The following KCNB2 variants were observed in gnomAD, a reference collection of about 807,000 sequenced individuals.
KCNB2 encodes potassium voltage-gated channel subfamily B member 2, also known as delayed rectifier potassium channel protein.
In KCNB2, 15 loss-of-function variants were observed where a neutral mutation model predicts 61.5. That is an observed-to-expected ratio of 0.24 (90% CI 0.16 to 0.38). KCNB2 has a LOEUF of 0.38. KCNB2 is among the 10% of genes least tolerant of loss of function. The pLI is 1.00. For synonymous variants in KCNB2, 457 were observed against 446.0 expected, an observed-to-expected ratio of 1.02 and a Z score of -0.31; for missense variants, 828 against 1,125.2, an observed-to-expected ratio of 0.74 and a Z score of 3.78.
intron 2 of KCNB2, among the ~76,000 whole-genome samples, chr8:72,780,661 T>A (rs558573835): frequency 6.6e-5 from 10 of 152,336 alleles, no homozygotes; most frequent in African/African-American, 2.4e-4. Context: ...TTTGCTATTG[T>A]GATTGATGCT....
chr8:72,771,013 A>T (rs947593911), intron 2 of KCNB2, among the ~76,000 whole-genome samples: 1 of 152,338 alleles, frequency 6.6e-6, no homozygotes, highest in South Asian at 2.1e-4. Context: ...GTGTATGATT[A>T]TTTATGTATT....
chr8:72,788,382 G>A (rs558674946), intron 2 of KCNB2, among the ~76,000 whole-genome samples: 9 of 152,094 alleles, frequency 5.9e-5, no homozygotes, highest in East Asian at 1.9e-4. Context: ...TTCTTTGTGC[G>A]CACATAAAGA....
At chr8:72,804,466 G>C (rs570331901) in intron 2 of KCNB2, among the ~76,000 whole-genome samples, 2 of 152,010 alleles carry the variant, frequency 1.3e-5, no homozygotes, top group African/African-American at 2.4e-5. Context: ...CCTAGGAACA[G>C]AAAAAAGAAT....
intron 2 of KCNB2, among the ~76,000 whole-genome samples, chr8:72,867,893 A>C (rs1483343701): frequency 6.6e-6 from 1 of 152,058 alleles, no homozygotes; most frequent in Non-Finnish European, 1.5e-5. Flanking sequence ...TTCCAACATT[A>C]TTTGGCTGTT....
At chr8:72,805,514 TG>T (rs1227409779) in intron 2 of KCNB2, among the ~76,000 whole-genome samples, 2 of 152,196 alleles carry the variant, frequency 1.3e-5, no homozygotes, top group Admixed American at 1.3e-4. Context: ...TAAGTCTGTC[TG>T]CATACAGCTA....
Position 72,936,222 on chromosome 8 carries a change from C to T in KCNB2, c.867C>T (p.Ser289=), listed in dbSNP as rs764537038. The change falls in exon 3 of 3, where the codon AGC becomes AGT. Residue 289 remains serine, a synonymous_variant. Transcript: ENST00000523207. This position sits in a 1 kb window ranked among gnomAD's most constrained non-coding sequence, Gnocchi z 5.6. ...TTTTTCTGACGGAGTCCAACAAGAG[C>T]GTGCTGCAGTTCCAAAACGTGAGGC... is the stretch of plus-strand genomic sequence containing the variant. ...VTIFLTESNK[S]VLQFQNVRRV... 20 of 1,614,228 alleles carry T rather than the reference C, an allele frequency of 1.2e-5. No homozygotes were observed. The highest frequency in any genetic ancestry group is 1.1e-4 in the South Asian group (10 of 91,086).
intron 2 of KCNB2, among the ~76,000 whole-genome samples, chr8:72,626,339 C>G (rs1295936276): frequency 6.6e-6 from 1 of 152,168 alleles, no homozygotes; most frequent in Non-Finnish European, 1.5e-5. Context: ...TTTGGGAAAC[C>G]ACAAATCTAA....
intron 2 of KCNB2, among the ~76,000 whole-genome samples, chr8:72,618,033 TC>T (rs1441788207): frequency 6.6e-6 from 1 of 152,150 alleles, no homozygotes; most frequent in Admixed American, 6.5e-5. Context: ...CTGCACAGCC[TC>T]CCACTCACCT....
intron 2 of KCNB2, among the ~76,000 whole-genome samples, chr8:72,647,894 G>C (rs1806155227): frequency 6.6e-6 from 1 of 152,152 alleles, no homozygotes; most frequent in Non-Finnish European, 1.5e-5. Flanking sequence ...ACTTGAGAAA[G>C]GCACTCTGAA....
rs372437783 is a variant in KCNB2 at position 72,685,723 on chromosome 8, C to G, written c.579+117410C>G. On this transcript the variant is annotated intron_variant, in intron 2 of 2. Coordinates refer to ENST00000523207, the MANE Select transcript of KCNB2 (RefSeq NM_004770.3). The stretch of plus-strand genomic sequence containing the variant: ...AGAAGGTCCAGGCCGGGTGCAGTGG[C>G]TCACGCCTGTAATCCCAGCACTTTG... 3.9e-5 allele frequency among the ~76,000 whole-genome samples: 6 copies of G among 152,316 alleles called. No individual in the cohort carries two copies. The East Asian group carries it at 9.6e-4, about 24-fold the overall frequency.
At chr8:72,744,103 G>A (rs534883709) in intron 2 of KCNB2, among the ~76,000 whole-genome samples, 245 of 152,154 alleles carry the variant, frequency 1.6e-3, no homozygotes, top group Non-Finnish European at 2.9e-3. Flanking sequence ...TTGTTGAGAC[G>A]GTTGAAAGTG....
At chr8:72,797,832 G>A (rs1249545988) in intron 2 of KCNB2, among the ~76,000 whole-genome samples, 1 of 152,220 alleles carries the variant, frequency 6.6e-6, no homozygotes, top group Non-Finnish European at 1.5e-5. Context: ...TTTTTGGAGG[G>A]TGGGAAGGGT....
chr8:72,550,829 C>G (rs1310636466), intron 1 of KCNB2, among the ~76,000 whole-genome samples: 2 of 152,170 alleles, frequency 1.3e-5, no homozygotes, highest in Non-Finnish European at 2.9e-5. Context: ...AGACTTTCTT[C>G]CTAGGGAATG....
intron 2 of KCNB2, among the ~76,000 whole-genome samples, chr8:72,891,060 C>T (rs888191464): frequency 2.0e-5 from 3 of 152,126 alleles, no homozygotes; most frequent in Non-Finnish European, 4.4e-5. Flanking sequence ...AGTTCAACAG[C>T]GGTAGTGGCC....
chr8:72,726,918 G>A (rs979025743), intron 2 of KCNB2, among the ~76,000 whole-genome samples: 29 of 152,112 alleles, frequency 1.9e-4, no homozygotes, highest in African/African-American at 7.0e-4. Flanking sequence ...CCAGCCAGTA[G>A]CCTCTTGATG....
At chr8:72,762,696 C>T (rs1808400672) in intron 2 of KCNB2, among the ~76,000 whole-genome samples, 1 of 151,958 alleles carries the variant, frequency 6.6e-6, no homozygotes, top group African/African-American at 2.4e-5. Flanking sequence ...TATCAGGGAG[C>T]TTGCCTATAG....
chr8:72,591,238 C>CT (rs1330959197), intron 2 of KCNB2, among the ~76,000 whole-genome samples: 1 of 152,068 alleles, frequency 6.6e-6, no homozygotes, highest in Non-Finnish European at 1.5e-5. Context: ...TAATAGGTCC[C>CT]TTAAGGCGCT....
rs138837620 is a variant in KCNB2 at position 72,697,102 on chromosome 8, G to T, written c.579+128789G>T. Among the ~76,000 whole-genome samples, 321 of 152,232 alleles carry T rather than the reference G, an allele frequency of 2.1e-3. 3 individuals carry two copies. Among genetic ancestry groups the T allele is most frequent in the African/African-American group, 7.3e-3 (302 of 41,552 alleles). ...ATGCTGTCCTTTGCCATTATTGGGG[G>T]TGTTTCAAAGCCTATAATCAAACTA... On this transcript the variant is annotated intron_variant, in intron 2 of 2. Coordinates refer to ENST00000523207, the MANE Select transcript of KCNB2 (RefSeq NM_004770.3).
At chr8:72,854,534 G>A (rs868133924) in intron 2 of KCNB2, among the ~76,000 whole-genome samples, 3 of 152,098 alleles carry the variant, frequency 2.0e-5, no homozygotes, top group Non-Finnish European at 2.9e-5. Context: ...AGAATCTGTG[G>A]GTACAATGGT....
Sources: gnomAD v4.1 joint callset for allele counts (sites outside exome capture counted in the v4.1 genomes callset) on GRCh38, gnomAD v4.1.1 for gene constraint, Gnocchi (gnomAD v3.1) non-coding constraint, MANE v1.5 for transcripts, NCBI Gene and HGNC (gene_info 2026-07-23, HGNC 2026-07-21) for gene names.